MACROD2: variants seen among roughly 807,000 people sequenced by gnomAD.
MACROD2 encodes ADP-ribose glycohydrolase MACROD2.
A neutral mutation model predicts 70.4 loss-of-function variants in MACROD2; 36 were observed. That is an observed-to-expected ratio of 0.51 (90% confidence interval 0.39 to 0.68). MACROD2 has a LOEUF of 0.68. MACROD2 is among the 30% of genes least tolerant of loss of function. The pLI is 0.00. For missense variants in MACROD2, 496 were observed against 538.4 expected, an observed-to-expected ratio of 0.92 and a Z score of 0.78; for synonymous variants, 172 against 178.8, an observed-to-expected ratio of 0.96 and a Z score of 0.30.
intron 8 of MACROD2, among the ~76,000 whole-genome samples, chr20:15,738,868 A>T (rs2051063967): frequency 1.3e-5 from 2 of 152,158 alleles, no homozygotes; most frequent in African/African-American, 4.8e-5. Context: ...CAACCCCAGT[A>T]TTACATGGGA....
intron 3 of MACROD2, among the ~76,000 whole-genome samples, chr20:14,247,778 A>G (rs901857276): frequency 2.6e-5 from 4 of 152,200 alleles, no homozygotes; most frequent in Admixed American, 1.3e-4. Context: ...TATAAAATCA[A>G]AGGAAGGTTT....
intron 4 of MACROD2, among the ~76,000 whole-genome samples, chr20:14,575,017 CAAAA>C (rs1195216470): frequency 2.0e-5 from 1 of 49,956 alleles, no homozygotes; most frequent in Non-Finnish European, 3.8e-5. Context: ...GACTCTGTCT[CAAAA>C]AAAAAAAAAA....
intron 10 of MACROD2, among the ~76,000 whole-genome samples, chr20:15,888,626 A>G (rs6043596): frequency 0.2 from 29,899 of 152,090 alleles, 4,165 homozygotes; most frequent in East Asian, 0.52. Flanking sequence ...AGCGGCATTA[A>G]TTGGATCACC....
intron 12 of MACROD2, among the ~76,000 whole-genome samples, chr20:15,942,756 C>G (rs2065767542): frequency 6.6e-6 from 1 of 152,044 alleles, no homozygotes; most frequent in Admixed American, 6.6e-5. Flanking sequence ...CTAGTTTTTT[C>G]AACACTTCCA....
intron 5 of MACROD2, among the ~76,000 whole-genome samples, chr20:14,897,503 A>T (rs2073844673): frequency 6.6e-6 from 1 of 152,198 alleles, no homozygotes; most frequent in Non-Finnish European, 1.5e-5. Flanking sequence ...AATGATTTTT[A>T]AAATAGTTGT....
intron 5 of MACROD2, among the ~76,000 whole-genome samples, chr20:15,195,773 A>T (rs757906985): frequency 6.6e-6 from 1 of 152,214 alleles, no homozygotes; most frequent in Non-Finnish European, 1.5e-5. Context: ...ATAAAGATGC[A>T]TGCATGCATA....
At chr20:14,432,457 T>C (rs1206001647) in intron 3 of MACROD2, among the ~76,000 whole-genome samples, 1 of 151,996 alleles carries the variant, frequency 6.6e-6, no homozygotes, top group Non-Finnish European at 1.5e-5. Context: ...TAAAGTAGTA[T>C]CTGTCTAACA....
intron 8 of MACROD2, among the ~76,000 whole-genome samples, chr20:15,762,119 G>C (rs549552374): frequency 3.9e-5 from 6 of 152,200 alleles, no homozygotes; most frequent in Non-Finnish European, 7.4e-5. Flanking sequence ...CTATTTCTAG[G>C]TTTGAATAAT....
intron 5 of MACROD2, among the ~76,000 whole-genome samples, chr20:14,946,543 G>A (rs1025110898): frequency 6.6e-6 from 1 of 151,932 alleles, no homozygotes; most frequent in African/African-American, 2.4e-5. Context: ...ACTCTGCTTG[G>A]TGTTGCATAA....
At chr20:15,196,120 T>C (rs2076604865) in intron 5 of MACROD2, among the ~76,000 whole-genome samples, 1 of 152,136 alleles carries the variant, frequency 6.6e-6, no homozygotes, top group South Asian at 2.1e-4. Flanking sequence ...GAATAGCTAA[T>C]GGATGCCGAG....
chr20:14,913,189 C>CT (rs2074049971), intron 5 of MACROD2, among the ~76,000 whole-genome samples: 1 of 151,920 alleles, frequency 6.6e-6, no homozygotes, highest in African/African-American at 2.4e-5. Flanking sequence ...AGACAGGAGA[C>CT]TAAGATAGAA....
chr20:15,390,379 C>A (rs940506809), intron 6 of MACROD2, among the ~76,000 whole-genome samples: 1 of 151,892 alleles, frequency 6.6e-6, no homozygotes, highest in Non-Finnish European at 1.5e-5. Context: ...ATTTTTTTTT[C>A]TTGGGCAGTT....
intron 8 of MACROD2, among the ~76,000 whole-genome samples, chr20:15,591,061 G>A (rs375738136): frequency 6.6e-6 from 1 of 152,160 alleles, no homozygotes; most frequent in Non-Finnish European, 1.5e-5. Flanking sequence ...TCTTTTACAG[G>A]AAATTGACTA....
intron 3 of MACROD2, among the ~76,000 whole-genome samples, chr20:14,255,858 T>A (rs1387391893): frequency 6.6e-6 from 1 of 151,974 alleles, no homozygotes; most frequent in Non-Finnish European, 1.5e-5. Flanking sequence ...TTAAAACATT[T>A]TTTGTCTTTG....
At chr20:14,687,489 T>C (rs1487264323) in intron 5 of MACROD2, among the ~76,000 whole-genome samples, 2 of 152,208 alleles carry the variant, frequency 1.3e-5, no homozygotes, top group Non-Finnish European at 2.9e-5. Context: ...CAAAGATCAG[T>C]GAGTCAATAC....
intron 3 of MACROD2, among the ~76,000 whole-genome samples, chr20:14,088,327 TAAAAAAAAAAA>T (rs11372104): frequency 1.7e-5 from 2 of 117,940 alleles, no homozygotes; most frequent in Non-Finnish European, 3.3e-5. Context: ...AGACTCCATC[TAAAAAAAAAAA>T]AAAAAAAAAG....
chr20:14,124,493 T>C (rs1167261747), intron 3 of MACROD2, among the ~76,000 whole-genome samples: 4 of 152,184 alleles, frequency 2.6e-5, no homozygotes, highest in Admixed American at 2.0e-4. Flanking sequence ...TTTAAACATT[T>C]CATCACAGAA....
chr20:15,136,805 C>G (rs1438125757), intron 5 of MACROD2, among the ~76,000 whole-genome samples: 1 of 151,964 alleles, frequency 6.6e-6, no homozygotes, highest in Non-Finnish European at 1.5e-5. Context: ...ATTTTCGCAA[C>G]CTACTCATCT....
chr20:15,022,915 T>A (rs569979284), intron 5 of MACROD2: 1 of 152,314 alleles, frequency 6.6e-6, no homozygotes, highest in Admixed American at 6.5e-5. Context: ...GCATGTCCCC[T>A]GTGCAGGGAT....
Sources: allele counts gnomAD v4.1 joint callset (sites outside exome capture counted in the v4.1 genomes callset), GRCh38; gene constraint gnomAD v4.1.1; transcripts MANE v1.5; gene names NCBI Gene and HGNC (gene_info 2026-07-23, HGNC 2026-07-21).